DNAH11: variants seen among roughly 807,000 people sequenced by gnomAD.
DNAH11 encodes the protein dynein axonemal heavy chain 11, also known as axonemal beta dynein heavy chain 11.
A neutral mutation model predicts 526.0 loss-of-function variants in DNAH11; 442 were observed. That is an observed-to-expected ratio of 0.84 (90% confidence interval 0.78 to 0.91). The LOEUF (loss-of-function observed/expected upper bound fraction) is 0.91. DNAH11 is among the 40% of genes least tolerant of loss of function. The probability of loss-of-function intolerance (pLI) is 0.00; values close to 1 mark genes in which losing one functional copy is unlikely to be tolerated. For synonymous variants in DNAH11, 2,461 were observed against 1,935.9 expected (o/e 1.27, Z -7.12); for missense variants, 6,989 against 5,448.7 (o/e 1.28, Z -8.90).
At chr7:21,732,913 C>G (rs1073092) in intron 45 of DNAH11, among the ~76,000 whole-genome samples, 23,023 of 152,230 alleles carry the variant, frequency 0.15, 2,051 homozygotes, top group East Asian at 0.19. Context: ...GCATCTAATT[C>G]TGCAGACTGG....
chr7:21,896,778 T>C (rs529907173), intron 79 of DNAH11, among the ~76,000 whole-genome samples: 200 of 152,234 alleles, frequency 1.3e-3, no homozygotes, highest in African/African-American at 4.4e-3. Context: ...TTAGATGTCA[T>C]TGTCCAGGTT....
chr7:21,604,531 G>C (rs113811436), intron 18 of DNAH11, among the ~76,000 whole-genome samples: 1 of 152,080 alleles, frequency 6.6e-6, no homozygotes, highest in Admixed American at 6.6e-5. Flanking sequence ...TGTATTGGTC[G>C]TCATACCTCA....
rs7794141 is a variant in DNAH11, at chr7:21,800,942, C to T, written c.10027-195C>T. Among the ~76,000 whole-genome samples, 2,716 of 152,270 alleles carry T rather than the reference C, an allele frequency of 0.018. 79 individuals are homozygous for T. The highest frequency in any genetic ancestry group is 0.062 in the African/African-American group (2,577 of 41,540). Reference sequence around the variant, plus strand: ...AAGACCACATCGTGAACTGTTAGTTCATGGTGGCACTGATGTGTTTATTTC... The same window carrying T: ...AAGACCACATCGTGAACTGTTAGTTTATGGTGGCACTGATGTGTTTATTTC... On this transcript the variant is annotated intron_variant, in intron 61 of 81. Transcript: ENST00000409508.
chr7:21,735,762 T>A lies in DNAH11; in HGVS notation c.7563T>A (p.Gly2521=). 1 of 1,613,986 alleles carries A rather than the reference T, an allele frequency of 6.2e-7. No individual in the cohort carries two copies. The highest frequency in any genetic ancestry group is 8.5e-7 in the Non-Finnish European group (1 of 1,179,892). Residue 2521 remains glycine (G), a synonymous_variant, in exon 46 of 82, where the codon GGT becomes GGA. Transcript: ENST00000409508. The part of the protein sequence containing the change: ...NAGVGKTVFV[G]DTLASLSEDY... ...GAGTGGGAAAAACAGTCTTTGTAGG[T>A]GACACATTGGCAAGTCTCTCTGAGG...
In DNAH11 at chr7:21,639,029, A is replaced by G. The variant is rs1229271742; in HGVS notation, c.4908A>G (p.Leu1636=). The stretch of plus-strand genomic sequence containing the variant: ...TCTATTTCGTCTCTTCTGCTGATTT[A>G]CTTGACATTCTCTCAAAAGGAGCTC... The part of the protein sequence containing the change: ...PRFYFVSSAD[L]LDILSKGAQP... The change falls in exon 28 of 82, where the codon TTA becomes TTG. Residue 1636 remains leucine (L), a synonymous_variant. Transcript: ENST00000409508. The G allele has an allele frequency of 3.7e-6, 6 of 1,613,474 alleles. No individual in the cohort carries two copies. Among genetic ancestry groups the G allele is most frequent in the African/African-American group, 1.3e-5 (1 of 74,894 alleles).
intron 30 of DNAH11, among the ~76,000 whole-genome samples, chr7:21,676,757 C>T (rs920539624): frequency 5.3e-5 from 8 of 152,208 alleles, no homozygotes; most frequent in Non-Finnish European, 7.3e-5. Flanking sequence ...ACTGTTGTTA[C>T]AATCAACTTT....
At chr7:21,638,694 G>A (rs972172330) in intron 27 of DNAH11, among the ~76,000 whole-genome samples, 4 of 7,806 alleles carry the variant, frequency 5.1e-4, no homozygotes, top group Admixed American at 3.4e-3. Context: ...CTAATGGGGT[G>A]TGTGTGTGTG....
At chr7:21,773,739 C>A in intron 55 of DNAH11, 27 bp from the exon 56 acceptor site, 3 of 1,356,736 alleles carry the variant, frequency 2.2e-6, no homozygotes, top group South Asian at 1.8e-5. Flanking sequence ...GAGGATTTCA[C>A]ATGAACTGTA....
chr7:21,745,121 A>G (rs1157858021), intron 51 of DNAH11, 58 bp downstream of exon 51: 70 of 1,517,372 alleles, frequency 4.6e-5, no homozygotes, highest in Non-Finnish European at 5.8e-5. Context: ...GATATCCACT[A>G]CTGTCATTTT....
At chr7:21,785,764 TTGTTTTTGTTCTTGCTTTCACTC>T (rs1788147904) in intron 58 of DNAH11, among the ~76,000 whole-genome samples, 1 of 152,200 alleles carries the variant, frequency 6.6e-6, no homozygotes, top group Non-Finnish European at 1.5e-5. Context: ...TTTTAAGACT[TTGTTTTTGTTCTTGCTTTCACTC>T]TGTTTCCATT....
chr7:21,677,784 T>C (rs1471079267), intron 30 of DNAH11, among the ~76,000 whole-genome samples: 1 of 152,242 alleles, frequency 6.6e-6, no homozygotes, highest in Non-Finnish European at 1.5e-5. Context: ...GTAATGGGTG[T>C]GAGGTGATAG....
rs1253538818 is a variant in DNAH11, at chr7:21,575,511, A to AT, written c.1593+3542dup. On this transcript the variant is annotated intron_variant, in intron 8 of 81. Transcript: ENST00000409508. ...TTTGCTATTTATGTAGTGTTTTCTC[A>AT]TTTTAATTAAACAGATTTCATCTTT... 2.0e-5 allele frequency among the ~76,000 whole-genome samples: 3 copies of AT among 152,248 alleles called. 1 individual carries two copies. Among genetic ancestry groups the AT allele is most frequent in the South Asian group, 4.1e-4 (2 of 4,828 alleles).
At chr7:21,591,084 T>G in intron 13 of DNAH11, 62 bp downstream of exon 13, 1 of 1,380,320 alleles carries the variant, frequency 7.2e-7, no homozygotes, top group Non-Finnish European at 9.5e-7. Context: ...TATTTTGAAT[T>G]TTAATTATTA....
rs974632237 is a variant in DNAH11, at chr7:21,744,927, A to G, written c.8374A>G (p.Arg2792Gly). The change falls in exon 51 of 82, where the codon AGA (arginine) becomes GGA (glycine). Residue 2792 changes from arginine (R) to glycine (G), a missense_variant. Arg to Gly is a moderately radical substitution (Grantham distance 125, BLOSUM62 -2). Coordinates refer to ENST00000409508, the MANE Select transcript of DNAH11 (RefSeq NM_001277115.2). ...CCTCATTTATTGCCACTTTGCTGAT[A>G]GAGGGAAGGACCCACATTACATGCC... The part of the protein sequence containing the change: ...QPLIYCHFAD[R>G]GKDPHYMPVK... The G allele has an allele frequency of 1.6e-5, 25 of 1,611,160 alleles. No individual in the cohort carries two copies. The highest frequency in any genetic ancestry group is 2.0e-5 in the Non-Finnish European group (23 of 1,178,690).
chr7:21,691,278 T>G (rs1313170314), intron 35 of DNAH11, among the ~76,000 whole-genome samples: 2 of 151,856 alleles, frequency 1.3e-5, no homozygotes, highest in African/African-American at 4.8e-5. Context: ...GGCTCATTTT[T>G]GCTCCTCCTG....
Position 21,873,300 on chromosome 7 carries a change from A to G in DNAH11, c.11994A>G (p.Leu3998=), listed in dbSNP as rs1156356853. 6.2e-7 allele frequency: 1 copy of G among 1,601,530 alleles called. No individual in the cohort carries two copies. Among genetic ancestry groups the G allele is most frequent in the Non-Finnish European group, 8.5e-7 (1 of 1,173,470 alleles). The change falls in exon 74 of 82, where the codon CTA becomes CTG. Residue 3998 remains leucine (L), a synonymous_variant. Transcript: ENST00000409508. ...LQNVHLVAKW[L]GTLEKLLERF... ...ATGTTCATTTGGTAGCCAAGTGGCT[A>G]GGAACCTTGGAGAAGCTCCTTGAAA...
chr7:21,869,708 C>T (rs879772356), intron 73 of DNAH11, among the ~76,000 whole-genome samples: 5 of 152,224 alleles, frequency 3.3e-5, no homozygotes, highest in East Asian at 3.9e-4. Flanking sequence ...GCTCCTGCAT[C>T]AATCATTATC....
chr7:21,637,689 G>T lies in DNAH11; in HGVS notation c.4804G>T (p.Asp1602Tyr), dbSNP rs1301123028. Residue 1602 changes from aspartate to tyrosine, a missense_variant, in exon 27 of 82, where the codon GAT becomes TAT. Physicochemically the swap from Asp to Tyr is radical, Grantham distance 160. Coordinates refer to ENST00000409508, the MANE Select transcript of DNAH11 (RefSeq NM_001277115.2). Reference protein sequence around the residue: ...CRPNLYEKLKDLQSRLSLCEK... With the variant: ...CRPNLYEKLKYLQSRLSLCEK... ...ACCTAATCTCTATGAAAAACTTAAA[G>T]ATTTACAGTCCAGGTAAGAATAAAG... 6.4e-7 allele frequency: 1 copy of T among 1,561,926 alleles called. No individual in the cohort carries two copies. Among genetic ancestry groups the T allele is most frequent in the Non-Finnish European group, 8.7e-7 (1 of 1,152,664 alleles).
chr7:21,655,917 T>C lies in DNAH11; in HGVS notation c.5030T>C (p.Val1677Ala). The C allele has an allele frequency of 6.2e-7, 1 of 1,613,276 alleles. No individual in the cohort carries two copies. The highest frequency in any genetic ancestry group is 8.5e-7 in the Non-Finnish European group (1 of 1,179,512). ...CAGGATGTTTCTGCACACAGGGCAG[T>C]TGGAATGTACAGCAAAGAAAAGGAG... The part of the protein sequence containing the change: ...DNQDVSAHRA[V>A]GMYSKEKEYV... Residue 1677 changes from valine (V) to alanine (A), a missense_variant, in exon 29 of 82, where the codon GTT becomes GCT. Physicochemically the swap from Val to Ala is moderately conservative, Grantham distance 64. Transcript: ENST00000409508.
Sources: allele counts gnomAD v4.1 joint callset (sites outside exome capture counted in the v4.1 genomes callset), GRCh38; gene constraint gnomAD v4.1.1; transcripts MANE v1.5; gene names NCBI Gene and HGNC (gene_info 2026-07-23, HGNC 2026-07-21).